The following GABRR1 variants were observed in gnomAD, a reference collection of about 807,000 sequenced individuals.
GABRR1 encodes the protein gamma-aminobutyric acid type A receptor subunit rho1.
In GABRR1, 59 loss-of-function variants were observed where a neutral mutation model predicts 55.5. That is an observed-to-expected ratio of 1.06 (90% CI 0.86 to 1.32). The LOEUF (loss-of-function observed/expected upper bound fraction) is 1.32, where lower values mean the gene tolerates loss of function less well. Ranked by LOEUF, GABRR1 falls within the 40% of genes most tolerant of loss-of-function variation. The pLI, the probability that GABRR1 is intolerant of heterozygous loss-of-function variation, is 0.00. For missense variants in GABRR1, 602 were observed against 619.1 expected, an observed-to-expected ratio of 0.97 and a Z score of 0.29; for synonymous variants, 213 against 226.0, an observed-to-expected ratio of 0.94 and a Z score of 0.51.
At chr6:89,230,960 T>C (rs1773277782) in intron 1 of GABRR1, among the ~76,000 whole-genome samples, 1 of 151,872 alleles carries the variant, frequency 6.6e-6, no homozygotes, top group Non-Finnish European at 1.5e-5. Flanking sequence ...GGATATAGTC[T>C]CGTGGTGCGC....
intron 7 of GABRR1, among the ~76,000 whole-genome samples, chr6:89,183,796 A>T (rs561038145): frequency 6.6e-6 from 1 of 152,312 alleles, no homozygotes; most frequent in South Asian, 2.1e-4. Flanking sequence ...CTCACTTATA[A>T]GTGGGAGCTA....
At chr6:89,179,991 T>C (rs937976660) in intron 9 of GABRR1, among the ~76,000 whole-genome samples, 3 of 152,216 alleles carry the variant, frequency 2.0e-5, no homozygotes, top group Non-Finnish European at 1.5e-5. Flanking sequence ...ATTTTTCTCC[T>C]GGGATTCCCT....
intron 1 of GABRR1, among the ~76,000 whole-genome samples, chr6:89,223,744 A>C (rs867539456): frequency 3.4e-4 from 49 of 142,126 alleles, no homozygotes; most frequent in African/African-American, 1.2e-3. Context: ...TTCTTGCAGG[A>C]GTAAGGTGGT....
intron 1 of GABRR1, among the ~76,000 whole-genome samples, chr6:89,223,521 T>C (rs969974469): frequency 2.6e-5 from 4 of 152,206 alleles, no homozygotes; most frequent in Non-Finnish European, 5.9e-5. Context: ...CGTGTACAAG[T>C]GTCTTTTTCA....
At chr6:89,181,257 T>A (rs751477244) in intron 8 of GABRR1, among the ~76,000 whole-genome samples, 3 of 152,128 alleles carry the variant, frequency 2.0e-5, no homozygotes, top group Non-Finnish European at 2.9e-5. Context: ...CCAGCTCCAA[T>A]CCAGTTTCAC....
Position 89,203,496 on chromosome 6 carries a change from C to T in GABRR1, c.123-11G>A. The stretch of plus-strand genomic sequence containing the variant: ...CTTTGTCTTTGGGGCCTACCATGAA[C>T]ATTAAAAATAAAGACATTGTAGAGA... On this transcript the variant is annotated splice_polypyrimidine_tract_variant and intron_variant, in intron 1 of 9. Transcript: ENST00000454853. 6.2e-7 allele frequency: 1 copy of T among 1,602,548 alleles called. No individual in the cohort carries two copies. The highest frequency in any genetic ancestry group is 8.5e-7 in the Non-Finnish European group (1 of 1,169,644).
chr6:89,186,732 T>C (rs1234782072), intron 6 of GABRR1, among the ~76,000 whole-genome samples: 1 of 152,218 alleles, frequency 6.6e-6, no homozygotes, highest in Admixed American at 6.5e-5. Context: ...TGTCCCTCCT[T>C]TGTATAATGA....
chr6:89,204,723 T>A, intron 1 of GABRR1: 1 of 1,119,330 alleles, frequency 8.9e-7, no homozygotes, highest in Non-Finnish European at 1.2e-6. Flanking sequence ...ATGAATAAAA[T>A]ACAGTTATAG....
At chr6:89,199,482 A>T in intron 3 of GABRR1, 53 bp from the exon 4 acceptor site, 2 of 1,548,388 alleles carry the variant, frequency 1.3e-6, no homozygotes, top group African/African-American at 1.4e-5. Flanking sequence ...AAATTTTACT[A>T]TGGAGGAAAT....
At chr6:89,222,583 C>A (rs1773130252) in intron 1 of GABRR1, among the ~76,000 whole-genome samples, 1 of 152,186 alleles carries the variant, frequency 6.6e-6, no homozygotes, top group Non-Finnish European at 1.5e-5. Flanking sequence ...AGGTCAGATT[C>A]CTTGATCTTG....
At chr6:89,216,776 G>C (rs1379577683) in intron 1 of GABRR1, among the ~76,000 whole-genome samples, 1 of 152,176 alleles carries the variant, frequency 6.6e-6, no homozygotes, top group Non-Finnish European at 1.5e-5. Context: ...ATTAAAAAAT[G>C]ATTCACAAAT....
chr6:89,180,311 T>C lies in GABRR1; in HGVS notation c.1127A>G (p.Glu376Gly), dbSNP rs745752503. 78 of 1,613,282 alleles carry C rather than the reference T, an allele frequency of 4.8e-5. No homozygotes were observed. Among genetic ancestry groups the C allele is most frequent in the Non-Finnish European group, 6.6e-5 (78 of 1,179,774 alleles). Reference sequence around the variant, plus strand: ...AGTCACCTTCTCCCGCAGCTTCTGTTCCTTCCTCTCCTGCACAGTGGTCAG... The same window carrying C: ...AGTCACCTTCTCCCGCAGCTTCTGTCCCTTCCTCTCCTGCACAGTGGTCAG... ...NYLTTVQERKEQKLREKLPCT... is the reference protein window; with the variant it reads ...NYLTTVQERKGQKLREKLPCT... Residue 376 changes from glutamate (E) to glycine (G), a missense_variant, in exon 9 of 10, where the codon GAA becomes GGA. By Grantham distance (98) the Glu-to-Gly change is moderately conservative (BLOSUM62 -2). Around this residue, in one of 3 missense-constraint regions of GABRR1, gnomAD observed 139 missense variants for 141.1 expected, o/e 0.99. Coordinates refer to ENST00000454853, the MANE Select transcript of GABRR1 (RefSeq NM_002042.5).
rs192598305 is a variant in GABRR1, at chr6:89,206,925, T to A, written c.123-3440A>T. ...GAGCCACCATGCCCGGCCTCTACGT[T>A]ACACATCTCTGTAAAACCTTAGCAG... On this transcript the variant is annotated intron_variant, in intron 1 of 9. Coordinates refer to ENST00000454853, the MANE Select transcript of GABRR1 (RefSeq NM_002042.5). Among the ~76,000 whole-genome samples, 751 of 152,236 alleles carry A rather than the reference T, an allele frequency of 4.9e-3. 3 individuals carry two copies. Among genetic ancestry groups the A allele is most frequent in the Non-Finnish European group, 7.9e-3 (535 of 68,016 alleles).
intron 5 of GABRR1, among the ~76,000 whole-genome samples, chr6:89,191,431 G>A (rs375731834): frequency 3.0e-4 from 45 of 152,268 alleles, no homozygotes; most frequent in African/African-American, 7.2e-4. Context: ...GGGACACTTC[G>A]AGCTAACTTT....
chr6:89,187,052 A>T (rs1289552466), intron 6 of GABRR1, among the ~76,000 whole-genome samples: 1 of 152,180 alleles, frequency 6.6e-6, no homozygotes, highest in Non-Finnish European at 1.5e-5. Flanking sequence ...GCCAGTGTTC[A>T]GGAGGAGTGT....
In GABRR1 at chr6:89,185,241, T is replaced by G. The variant is rs545843658; in HGVS notation, c.796+69A>C. On this transcript the variant is annotated intron_variant, in intron 7 of 9. Transcript: ENST00000454853. The stretch of plus-strand genomic sequence containing the variant: ...TGACGACCAATTCAAACCTTTCCTA[T>G]AATAGAGGGTGAACCTTGGAGACCA... The G allele has an allele frequency of 2.0e-4, 324 of 1,591,270 alleles. 7 individuals are homozygous for G. The South Asian group carries it at 3.5e-3, about 17-fold the overall frequency.
intron 4 of GABRR1, among the ~76,000 whole-genome samples, chr6:89,199,126 C>T (rs549472603): frequency 6.6e-6 from 1 of 152,230 alleles, no homozygotes; most frequent in South Asian, 2.1e-4. Flanking sequence ...AAAATGCATC[C>T]CAGTGGCAAG....
At chr6:89,180,859 T>C (rs1353427400) in intron 8 of GABRR1, among the ~76,000 whole-genome samples, 1 of 152,180 alleles carries the variant, frequency 6.6e-6, no homozygotes, top group East Asian at 1.9e-4. Context: ...TAACTACTGC[T>C]CCATCAAGGG....
chr6:89,196,828 A>AAAGAAAGAAAG (rs1562296539), intron 5 of GABRR1, among the ~76,000 whole-genome samples: 2 of 88,708 alleles, frequency 2.3e-5, no homozygotes, highest in Non-Finnish European at 4.7e-5. Context: ...AGAAGGAAAG[A>AAAGAAAGAAAG]AAGAAAGAAA....
Sources: allele counts gnomAD v4.1 joint callset (sites outside exome capture counted in the v4.1 genomes callset), GRCh38; gene constraint gnomAD v4.1.1; regional missense constraint gnomAD v4.1.1; transcripts MANE v1.5; gene names NCBI Gene and HGNC (gene_info 2026-07-23, HGNC 2026-07-21).